The following CLCN5 variants were observed in gnomAD, a reference collection of about 807,000 sequenced individuals.
CLCN5 encodes the protein H(+)/Cl(-) exchange transporter 5.
A neutral mutation model predicts 54.0 loss-of-function variants in CLCN5; 17 were observed. The observed-to-expected ratio is 0.31, with a 90% CI of 0.22 to 0.47. CLCN5 has a LOEUF of 0.47. CLCN5 is among the 20% of genes least tolerant of loss of function. The pLI is 1.00. For missense variants in CLCN5, 448 were observed against 646.7 expected, an observed-to-expected ratio of 0.69 and a Z score of 3.33; for synonymous variants, 222 against 233.0, an observed-to-expected ratio of 0.95 and a Z score of 0.43.
chrX:50,079,930 C>G (rs929455451), intron 7 of CLCN5, among the ~76,000 whole-genome samples: 8 of 111,314 alleles, frequency 7.2e-5, no homozygotes, highest in East Asian at 2.8e-4. Flanking sequence ...TTTAGATGCT[C>G]TTACCACACA....
intron 4 of CLCN5, among the ~76,000 whole-genome samples, chrX:50,057,745 TG>T (rs1932786779): frequency 1.9e-5 from 2 of 107,171 alleles, no homozygotes; most frequent in Non-Finnish European, 3.9e-5. Context: ...TCTTGGCCAC[TG>T]GACTTAATTG....
chrX:50,082,740 A>G (rs1342082956), intron 9 of CLCN5, among the ~76,000 whole-genome samples: 1 of 112,364 alleles, frequency 8.9e-6, no homozygotes, highest in Non-Finnish European at 1.9e-5. Context: ...CTCTTACAAA[A>G]TAAGTTACAG....
intron 3 of CLCN5, chrX:50,003,114 C>T (rs782638551): frequency 1.9e-5 from 7 of 370,450 alleles, no homozygotes; most frequent in South Asian, 5.0e-5. Context: ...ATCTGGGATA[C>T]GCATGCACAC....
intron 4 of CLCN5, among the ~76,000 whole-genome samples, chrX:50,064,808 C>T (rs1380297107): frequency 4.0e-5 from 4 of 100,495 alleles, no homozygotes; most frequent in African/African-American, 1.6e-4. Context: ...GGTACCAAAA[C>T]AGAGATATAG....
At chrX:49,972,477 A>G (rs782318829) in intron 3 of CLCN5, among the ~76,000 whole-genome samples, 2 of 111,763 alleles carry the variant, frequency 1.8e-5, no homozygotes, top group Non-Finnish European at 3.8e-5. Context: ...TTATGAAGCA[A>G]CCGGTCCAGA....
chrX:49,965,767 G>A lies in CLCN5; in HGVS notation c.16+40453G>A, dbSNP rs139094123. 3.9e-3 allele frequency among the ~76,000 whole-genome samples: 440 copies of A among 112,052 alleles called. 4 individuals are homozygous for A. Among genetic ancestry groups the A allele is most frequent in the Non-Finnish European group, 6.7e-3 (355 of 53,105 alleles). ...TTTTTTTTGTAGTTGCCCTTTATCCGCTGGAGGAAGTTCCCTTCAATTCCT... is the reference window on the plus strand; with the variant it reads ...TTTTTTTTGTAGTTGCCCTTTATCCACTGGAGGAAGTTCCCTTCAATTCCT... On this transcript the variant is annotated intron_variant, in intron 3 of 14. Transcript: ENST00000376091.
At chrX:49,942,673 C>G (rs782386901) in intron 3 of CLCN5, among the ~76,000 whole-genome samples, 1 of 107,000 alleles carries the variant, frequency 9.3e-6, no homozygotes, top group Non-Finnish European at 1.9e-5. Flanking sequence ...TTTGTCCTTG[C>G]GATAGTTTGC....
intron 11 of CLCN5, 29 bp downstream of exon 11, chrX:50,086,899 T>C: frequency 8.5e-7 from 1 of 1,181,867 alleles, no homozygotes; most frequent in Non-Finnish European, 1.2e-6. Context: ...ACTCAGTGGC[T>C]GCATGCGTAG....
At chrX:49,955,606 TTC>T (rs1223466944) in intron 3 of CLCN5, among the ~76,000 whole-genome samples, 1 of 111,778 alleles carries the variant, frequency 8.9e-6, no homozygotes, top group Non-Finnish European at 1.9e-5. Flanking sequence ...TATCTTTACA[TTC>T]TGTCTTTACT....
intron 3 of CLCN5, among the ~76,000 whole-genome samples, chrX:49,928,452 A>C (rs1298461720): frequency 4.5e-5 from 5 of 112,120 alleles, no homozygotes; most frequent in Non-Finnish European, 7.5e-5. Flanking sequence ...GCATATAATA[A>C]GTGCTCAGTA....
chrX:50,040,558 A>G (rs1332575733), intron 3 of CLCN5, among the ~76,000 whole-genome samples: 1 of 112,283 alleles, frequency 8.9e-6, no homozygotes, highest in East Asian at 2.8e-4. Context: ...TTTTAAATTG[A>G]CATATAATTG....
chrX:50,059,485 A>C (rs1233514381), intron 4 of CLCN5, among the ~76,000 whole-genome samples: 1 of 111,515 alleles, frequency 9.0e-6, no homozygotes, highest in East Asian at 2.8e-4. Flanking sequence ...TGTTTTTATC[A>C]TAGGATGCAT....
intron 3 of CLCN5, among the ~76,000 whole-genome samples, chrX:49,930,822 G>A (rs781928502): frequency 5.3e-4 from 59 of 111,871 alleles, no homozygotes; most frequent in African/African-American, 1.8e-3. Flanking sequence ...GTTCAAACCC[G>A]TATTGTTCAA....
At chrX:49,969,362 G>A (rs1479646144) in intron 3 of CLCN5, among the ~76,000 whole-genome samples, 1 of 112,649 alleles carries the variant, frequency 8.9e-6, no homozygotes, top group Non-Finnish European at 1.9e-5. Context: ...ACAGGCATGA[G>A]CCCCTGCACT....
chrX:50,012,277 G>A (rs1385920375), intron 3 of CLCN5, among the ~76,000 whole-genome samples: 2 of 111,855 alleles, frequency 1.8e-5, no homozygotes, highest in Non-Finnish European at 3.8e-5. Flanking sequence ...GATAATGAGT[G>A]TCATTAGCAG....
At chrX:50,033,148 G>A (rs1403115234) in intron 3 of CLCN5, among the ~76,000 whole-genome samples, 1 of 111,216 alleles carries the variant, frequency 9.0e-6, no homozygotes, top group African/African-American at 3.3e-5. Flanking sequence ...ATTCAACATA[G>A]TGTTGGAAGT....
At chrX:50,028,773 T>A (rs1557185387) in intron 3 of CLCN5, among the ~76,000 whole-genome samples, 3 of 112,185 alleles carry the variant, frequency 2.7e-5, no homozygotes, top group African/African-American at 9.7e-5. Context: ...ACCTTTTCCT[T>A]AGCCTTTATC....
chrX:49,949,571 C>A (rs920969565), intron 3 of CLCN5, among the ~76,000 whole-genome samples: 1 of 111,587 alleles, frequency 9.0e-6, no homozygotes, highest in Admixed American at 9.5e-5. Context: ...AGTAAATTAT[C>A]CCCAGACTTT....
At position 50,096,790 on chromosome X, in the gene CLCN5, T is replaced by C. The variant is rs961879614; in HGVS notation, c.*4571T>C. ...ATATGTTCTGGCATTTATAAACTGC[T>C]TGATTGTGTGCCTCAAGGGGAGAAA... On this transcript the variant is annotated 3_prime_UTR_variant, in exon 15 of 15. Coordinates refer to ENST00000376091, the MANE Select transcript of CLCN5 (RefSeq NM_001127898.4). The C allele has an allele frequency of 6.2e-5, 7 of 112,546 alleles. No individual in the cohort carries two copies. Among genetic ancestry groups the C allele is most frequent in the Admixed American group, 2.9e-4 (3 of 10,475 alleles). The allele number at this position is 112,546 out of a possible 1,213,427, so 9.3% of individuals were successfully genotyped here. A position where few individuals can be genotyped will look rare whatever the true frequency, so the allele number is the denominator to read the frequency against.
Sources: allele counts gnomAD v4.1 joint callset (sites outside exome capture counted in the v4.1 genomes callset), GRCh38; gene constraint gnomAD v4.1.1; transcripts MANE v1.5; gene names NCBI Gene and HGNC (gene_info 2026-07-23, HGNC 2026-07-21).